DENND4C: variants seen among roughly 807,000 people sequenced by gnomAD.
DENND4C encodes DENN domain-containing protein 4C.
DENND4C carries 108 observed loss-of-function variants against 203.0 expected under a neutral mutation model. The ratio of observed to expected loss-of-function variants is 0.53; its 90% CI spans 0.46 to 0.62. The LOEUF (loss-of-function observed/expected upper bound fraction) is 0.62, where lower values mean the gene tolerates loss of function less well. DENND4C is among the 20% of genes least tolerant of loss of function. The pLI is 0.00. For missense variants in DENND4C, 2,481 were observed against 2,301.2 expected, an observed-to-expected ratio of 1.08 and a Z score of -1.60; for synonymous variants, 871 against 792.4, an observed-to-expected ratio of 1.10 and a Z score of -1.67.
chr9:19,277,596 A>T (rs1330258403), intron 2 of DENND4C, among the ~76,000 whole-genome samples: 1 of 151,966 alleles, frequency 6.6e-6, no homozygotes, highest in Non-Finnish European at 1.5e-5. Flanking sequence ...GGATCATGTC[A>T]TCTGCAAATA....
Position 19,290,776 on chromosome 9 carries a change from G to T in DENND4C, c.701G>T (p.Cys234Phe), listed in dbSNP as rs1293080166. 1 of 1,604,450 alleles carries T rather than the reference G, an allele frequency of 6.2e-7. No homozygotes were observed. The highest frequency in any genetic ancestry group is 2.2e-5 in the East Asian group (1 of 44,688). Reference protein sequence around the residue: ...PLSESDVPLFCLPMGATIECW... With the variant: ...PLSESDVPLFFLPMGATIECW... Reference sequence around the variant, plus strand: ...TCAGAATCAGATGTACCTCTTTTCTGCCTTCCTATGGGAGCTACTATTGAG... The same window carrying T: ...TCAGAATCAGATGTACCTCTTTTCTTCCTTCCTATGGGAGCTACTATTGAG... Residue 234 changes from cysteine (C) to phenylalanine (F), a missense_variant, in exon 5 of 33, where the codon TGC (cysteine) becomes TTC (phenylalanine). Coordinates refer to ENST00000434457, the MANE Select transcript of DENND4C (RefSeq NM_001330640.2).
intron 2 of DENND4C, among the ~76,000 whole-genome samples, chr9:19,282,715 C>CTTTTTTTTTTTTTTTTTTTTTTTTTTTT (rs1554717864): frequency 1.2e-5 from 1 of 86,638 alleles, no homozygotes; most frequent in African/African-American, 4.4e-5. Context: ...TTTCTTCTCT[C>CTTTTTTTTTTTTTTTTTTTTTTTTTTTT]TTTTTTTTTT....
At chr9:19,290,394 C>A (rs777262887) in intron 4 of DENND4C, among the ~76,000 whole-genome samples, 1 of 152,162 alleles carries the variant, frequency 6.6e-6, no homozygotes, top group African/African-American at 2.4e-5. Flanking sequence ...ATGTTTCTTA[C>A]CATTTTCCAC....
chr9:19,324,811 C>G (rs1469857289), intron 13 of DENND4C, among the ~76,000 whole-genome samples: 2 of 152,190 alleles, frequency 1.3e-5, no homozygotes, highest in Non-Finnish European at 1.5e-5. Flanking sequence ...CTTTGAACTT[C>G]TTGCCTGAAG....
chr9:19,271,264 A>G (rs150516131), intron 1 of DENND4C, among the ~76,000 whole-genome samples: 7 of 150,584 alleles, frequency 4.6e-5, no homozygotes, highest in African/African-American at 1.5e-4. Context: ...CAGTGGCGCA[A>G]TCCTGGCTCA....
chr9:19,336,184 T>TATATATATAA (rs984194403), intron 18 of DENND4C, 86 bp from the exon 19 acceptor site: 1 of 1,208,538 alleles, frequency 8.3e-7, no homozygotes, highest in African/African-American at 1.6e-5. Flanking sequence ...TATATATATA[T>TATATATATAA]AAACATACAC....
chr9:19,310,590 A>G (rs543463287), intron 10 of DENND4C, among the ~76,000 whole-genome samples: 31 of 152,208 alleles, frequency 2.0e-4, no homozygotes, highest in Non-Finnish European at 4.0e-4. Flanking sequence ...TAGAGTTTTG[A>G]TATCTTAATT....
intron 15 of DENND4C, 44 bp downstream of exon 15, chr9:19,326,238 T>A: frequency 6.4e-7 from 1 of 1,555,456 alleles, no homozygotes; most frequent in Non-Finnish European, 8.6e-7. Context: ...AGCCTATCAG[T>A]TTCTTTTAAT....
chr9:19,338,613 C>T (rs1012266964), intron 20 of DENND4C, among the ~76,000 whole-genome samples: 1 of 152,130 alleles, frequency 6.6e-6, no homozygotes, highest in Non-Finnish European at 1.5e-5. Context: ...TTGCTCATTT[C>T]ATTAAGGATT....
chr9:19,308,026 T>C (rs1001451823), intron 10 of DENND4C, among the ~76,000 whole-genome samples: 2 of 152,192 alleles, frequency 1.3e-5, no homozygotes, highest in Non-Finnish European at 2.9e-5. Flanking sequence ...TTGAATAGTT[T>C]TCTGTGAATT....
chr9:19,345,546 T>A (rs540296446), intron 22 of DENND4C, among the ~76,000 whole-genome samples: 1 of 152,396 alleles, frequency 6.6e-6, no homozygotes, highest in Non-Finnish European at 1.5e-5. Context: ...ATTTGCTTTT[T>A]GCAGAGTAGA....
At chr9:19,342,239 G>A (rs982764050) in intron 21 of DENND4C, among the ~76,000 whole-genome samples, 1 of 151,724 alleles carries the variant, frequency 6.6e-6, no homozygotes, top group Non-Finnish European at 1.5e-5. Flanking sequence ...GAATATTTTG[G>A]CTTATGGAAT....
intron 1 of DENND4C, among the ~76,000 whole-genome samples, chr9:19,245,259 G>T (rs1824868681): frequency 6.6e-6 from 1 of 151,470 alleles, no homozygotes; most frequent in South Asian, 2.1e-4. Flanking sequence ...ACGAGGTCAG[G>T]AGATCGAGAC....
intron 1 of DENND4C, among the ~76,000 whole-genome samples, chr9:19,246,010 A>G (rs936903904): frequency 1.3e-5 from 2 of 152,100 alleles, no homozygotes; most frequent in African/African-American, 4.8e-5. Context: ...GGATTCCATC[A>G]AGACCTCCAG....
intron 30 of DENND4C, among the ~76,000 whole-genome samples, chr9:19,364,199 A>T (rs75646325): frequency 6.9e-6 from 1 of 143,956 alleles, no homozygotes; most frequent in African/African-American, 2.7e-5. Flanking sequence ...GTCTGTTAAG[A>T]AAAAAAAAAA....
intron 3 of DENND4C, among the ~76,000 whole-genome samples, chr9:19,287,468 C>T (rs949177974): frequency 6.6e-6 from 1 of 151,900 alleles, no homozygotes; most frequent in African/African-American, 2.4e-5. Context: ...GCCTTGACCC[C>T]CCACCAGGCT....
chr9:19,334,040 A>G (rs1423146917), intron 17 of DENND4C, among the ~76,000 whole-genome samples: 1 of 151,844 alleles, frequency 6.6e-6, no homozygotes, highest in Non-Finnish European at 1.5e-5. Flanking sequence ...TTTTATTTAT[A>G]TTTATTTATT....
intron 18 of DENND4C, 88 bp from the exon 19 acceptor site, chr9:19,336,182 T>TAA (rs1331848181): frequency 5.8e-6 from 7 of 1,198,196 alleles, no homozygotes; most frequent in Non-Finnish European, 7.9e-6. Context: ...TATATATATA[T>TAA]ATAAACATAC....
chr9:19,256,500 G>A (rs1004128576), intron 1 of DENND4C, among the ~76,000 whole-genome samples: 9 of 151,672 alleles, frequency 5.9e-5, no homozygotes, highest in Admixed American at 4.6e-4. Context: ...ACTTTTAGAA[G>A]AGAGAGGTTT....
Sources: allele counts gnomAD v4.1 joint callset (sites outside exome capture counted in the v4.1 genomes callset), GRCh38; gene constraint gnomAD v4.1.1; transcripts MANE v1.5; gene names NCBI Gene and HGNC (gene_info 2026-07-23, HGNC 2026-07-21).